The following PRKD1 variants were observed in gnomAD, a reference collection of about 807,000 sequenced individuals.
PRKD1 encodes serine/threonine-protein kinase D1.
PRKD1 carries 63 observed loss-of-function variants against 95.9 expected under a neutral mutation model. The ratio of observed to expected loss-of-function variants is 0.66; its 90% CI spans 0.54 to 0.81. The LOEUF (loss-of-function observed/expected upper bound fraction) is 0.81, where lower values mean the gene tolerates loss of function less well. PRKD1 is among the 30% of genes least tolerant of loss of function. PRKD1 has a pLI of 0.00. For missense variants in PRKD1, 1,048 were observed against 1,165.3 expected, an observed-to-expected ratio of 0.90 and a Z score of 1.47; for synonymous variants, 425 against 423.1, an observed-to-expected ratio of 1.00 and a Z score of -0.05.
rs572163860 is a variant in PRKD1, at chr14:29,649,239, T to C, written c.697-10335A>G. Among the ~76,000 whole-genome samples, 161 of 152,286 alleles carry C rather than the reference T, an allele frequency of 1.1e-3. 1 individual carries two copies. The highest frequency in any genetic ancestry group is 3.3e-3 in the African/African-American group (139 of 41,558). On this transcript the variant is annotated intron_variant, in intron 4 of 17. Coordinates refer to ENST00000331968, the MANE Select transcript of PRKD1 (RefSeq NM_002742.3). ...TTTCACAGGTGATACTGGAGGCGTG[T>C]ATTTATTTGAGCTTTACTTTTTAGA...
At chr14:29,853,128 T>TTAA (rs1892371121) in intron 1 of PRKD1, among the ~76,000 whole-genome samples, 3 of 152,152 alleles carry the variant, frequency 2.0e-5, no homozygotes. Context: ...CAGAAAAGAT[T>TTAA]ACAAGAGACA....
intron 1 of PRKD1, among the ~76,000 whole-genome samples, chr14:29,735,395 T>G (rs1289669933): frequency 6.6e-6 from 1 of 152,202 alleles, no homozygotes; most frequent in Non-Finnish European, 1.5e-5. Flanking sequence ...TGCAGGACTG[T>G]AATTAAGACA....
chr14:29,865,596 G>C (rs1892867647), intron 1 of PRKD1, among the ~76,000 whole-genome samples: 1 of 152,136 alleles, frequency 6.6e-6, no homozygotes, highest in Non-Finnish European at 1.5e-5. Flanking sequence ...TTCTGTCATG[G>C]GATGATGAGG....
chr14:29,889,111 G>A (rs760743662), intron 1 of PRKD1, among the ~76,000 whole-genome samples: 1 of 152,116 alleles, frequency 6.6e-6, no homozygotes, highest in Non-Finnish European at 1.5e-5. Context: ...TACTACTTGA[G>A]ACATTCAAAT....
chr14:29,676,479 C>T (rs930025272), intron 2 of PRKD1, among the ~76,000 whole-genome samples: 1 of 152,094 alleles, frequency 6.6e-6, no homozygotes, highest in Non-Finnish European at 1.5e-5. Flanking sequence ...CTCAGCGTCC[C>T]GAATAGCTGG....
chr14:29,858,730 C>T (rs1004489135), intron 1 of PRKD1, among the ~76,000 whole-genome samples: 15 of 151,946 alleles, frequency 9.9e-5, no homozygotes, highest in African/African-American at 3.1e-4. Context: ...TTTTTAAGTA[C>T]CTTAAACTCA....
chr14:29,798,911 G>C (rs1381510902), intron 1 of PRKD1, among the ~76,000 whole-genome samples: 1 of 152,098 alleles, frequency 6.6e-6, no homozygotes, highest in East Asian at 1.9e-4. Flanking sequence ...TAGTTGAGCT[G>C]TTCTACCCCC....
intron 1 of PRKD1, among the ~76,000 whole-genome samples, chr14:29,866,927 C>T (rs1472461400): frequency 2.0e-5 from 3 of 152,192 alleles, no homozygotes; most frequent in Non-Finnish European, 2.9e-5. Flanking sequence ...AAGCCTCACA[C>T]ATGGTGGACA....
chr14:29,656,511 A>C (rs1881849379), intron 4 of PRKD1: 1 of 1,535,482 alleles, frequency 6.5e-7, no homozygotes, highest in African/African-American at 1.4e-5. Flanking sequence ...TGAAACATGA[A>C]GTTGTAAGAG....
intron 2 of PRKD1, among the ~76,000 whole-genome samples, chr14:29,693,330 GT>G (rs1884337148): frequency 6.6e-6 from 1 of 151,958 alleles, no homozygotes. Flanking sequence ...TGGGAACTCT[GT>G]TAAATCTCAT....
intron 6 of PRKD1, among the ~76,000 whole-genome samples, chr14:29,636,840 A>G (rs1880416943): frequency 6.6e-6 from 1 of 151,862 alleles, no homozygotes; most frequent in African/African-American, 2.4e-5. Context: ...CTCATCATTT[A>G]CCTCCCACTT....
chr14:29,851,579 A>G (rs1427782319), intron 1 of PRKD1, among the ~76,000 whole-genome samples: 7 of 152,168 alleles, frequency 4.6e-5, no homozygotes, highest in Non-Finnish European at 1.0e-4. Context: ...AAGTCCAAAA[A>G]TAACAGATGC....
At chr14:29,697,605 A>T (rs1347769168) in intron 2 of PRKD1, among the ~76,000 whole-genome samples, 2 of 152,166 alleles carry the variant, frequency 1.3e-5, no homozygotes, top group East Asian at 3.8e-4. Flanking sequence ...CTATGTGCAA[A>T]ATCACTTTTT....
At chr14:29,899,677 A>T (rs1222170386) in intron 1 of PRKD1, among the ~76,000 whole-genome samples, 1 of 152,144 alleles carries the variant, frequency 6.6e-6, no homozygotes, top group Non-Finnish European at 1.5e-5. Flanking sequence ...AGAATTTACC[A>T]TTTAGGATTT....
chr14:29,705,451 TTC>T (rs952717818), intron 2 of PRKD1, among the ~76,000 whole-genome samples: 3 of 121,718 alleles, frequency 2.5e-5, no homozygotes, highest in Admixed American at 8.2e-5. Flanking sequence ...AAAAGCCAGA[TTC>T]TGTTTTTTTT....
intron 1 of PRKD1, among the ~76,000 whole-genome samples, chr14:29,829,236 G>A (rs901389070): frequency 6.6e-6 from 1 of 152,180 alleles, no homozygotes; most frequent in Non-Finnish European, 1.5e-5. Context: ...CCTGTGGCTT[G>A]TCTTAATTCC....
chr14:29,623,681 G>C (rs562034256), intron 13 of PRKD1, among the ~76,000 whole-genome samples: 1 of 152,252 alleles, frequency 6.6e-6, no homozygotes, highest in Admixed American at 6.5e-5. Flanking sequence ...GACAATGCCC[G>C]ATGTCAAATG....
intron 1 of PRKD1, among the ~76,000 whole-genome samples, chr14:29,841,636 G>T (rs1452227344): frequency 6.6e-6 from 1 of 152,148 alleles, no homozygotes; most frequent in East Asian, 1.9e-4. Context: ...CCCCAGCCAT[G>T]GGGAACTATA....
chr14:29,926,863 T>G (rs941373356), intron 1 of PRKD1, among the ~76,000 whole-genome samples: 2 of 151,918 alleles, frequency 1.3e-5, no homozygotes, highest in African/African-American at 4.8e-5. Flanking sequence ...GGAGGATTCC[T>G]GCACCAGGAA....
Sources: gnomAD v4.1 joint callset for allele counts (sites outside exome capture counted in the v4.1 genomes callset) on GRCh38, gnomAD v4.1.1 for gene constraint, MANE v1.5 for transcripts, NCBI Gene and HGNC (gene_info 2026-07-23, HGNC 2026-07-21) for gene names.